Variants in MAEL observed in about 807,000 individuals in gnomAD.
The protein encoded by MAEL is maelstrom spermatogenic transposon silencer.
A neutral mutation model predicts 62.0 loss-of-function variants in MAEL; 46 were observed. The observed-to-expected ratio is 0.74, with a 90% CI of 0.59 to 0.95. The LOEUF (loss-of-function observed/expected upper bound fraction) is 0.95, where lower values mean the gene tolerates loss of function less well. Ranked by LOEUF, MAEL falls within the 40% of genes least tolerant of loss-of-function variation. The pLI, the probability that MAEL is intolerant of heterozygous loss-of-function variation, is 0.00. For synonymous variants in MAEL, 172 were observed against 175.5 expected, an observed-to-expected ratio of 0.98 and a Z score of 0.16; for missense variants, 497 against 526.8, an observed-to-expected ratio of 0.94 and a Z score of 0.55.
At chr1:167,005,836 T>C (rs1664871066) in intron 8 of MAEL, 1 of 152,626 alleles carries the variant, frequency 6.6e-6, no homozygotes, top group Non-Finnish European at 1.5e-5. Context: ...ATACATTTTC[T>C]TTATAATTTT....
chr1:167,011,951 T>C (rs927679766), intron 8 of MAEL, among the ~76,000 whole-genome samples: 1 of 152,202 alleles, frequency 6.6e-6, no homozygotes, highest in African/African-American at 2.4e-5. Context: ...AGACATTATT[T>C]GAGGTCCATG....
intron 5 of MAEL, among the ~76,000 whole-genome samples, chr1:166,998,472 ATTAC>A (rs758251934): frequency 9.9e-5 from 15 of 152,136 alleles, no homozygotes; most frequent in Admixed American, 7.2e-4. Context: ...TTTTTAGCAG[ATTAC>A]TTAATCATAT....
chr1:166,980,845 C>T (rs1360839711), intron 1 of MAEL, among the ~76,000 whole-genome samples: 1 of 152,104 alleles, frequency 6.6e-6, no homozygotes, highest in African/African-American at 2.4e-5. Flanking sequence ...TAACTGGCTG[C>T]CCTACAGTTT....
At chr1:167,001,892 G>A (rs765746025) in intron 5 of MAEL, among the ~76,000 whole-genome samples, 5 of 152,104 alleles carry the variant, frequency 3.3e-5, no homozygotes, top group African/African-American at 7.2e-5. Flanking sequence ...AGTGATTCTC[G>A]TGCCTCAGCC....
At chr1:166,989,538 G>A (rs1213965681) in intron 1 of MAEL, 54 bp downstream of exon 1, 30 of 1,558,924 alleles carry the variant, frequency 1.9e-5, no homozygotes, top group Non-Finnish European at 2.5e-5. Flanking sequence ...CAAGCCGGAG[G>A]GTGAGGCGGG....
intron 7 of MAEL, 24 bp from the exon 8 acceptor site, chr1:167,005,232 T>C (rs1463058847): frequency 6.2e-7 from 1 of 1,611,638 alleles, no homozygotes; most frequent in Non-Finnish European, 8.5e-7. Flanking sequence ...TAATTGTATG[T>C]GTTTTTCCAT....
intron 9 of MAEL, among the ~76,000 whole-genome samples, chr1:167,016,699 T>C (rs779818427): frequency 4.6e-5 from 7 of 152,144 alleles, no homozygotes; most frequent in Non-Finnish European, 8.8e-5. Context: ...TGTTGCAGCA[T>C]TGTTTACAAT....
chr1:167,010,963 G>T (rs1665147572), intron 8 of MAEL, among the ~76,000 whole-genome samples: 1 of 151,842 alleles, frequency 6.6e-6, no homozygotes, highest in South Asian at 2.1e-4. Flanking sequence ...TAGGTTCTTA[G>T]AATTTTATTT....
chr1:167,011,521 C>T (rs1042182169), intron 8 of MAEL, among the ~76,000 whole-genome samples: 29 of 151,916 alleles, frequency 1.9e-4, no homozygotes, highest in African/African-American at 6.8e-4. Flanking sequence ...AGAGTGTTGG[C>T]GATACAGCAT....
At chr1:166,999,600 CAG>C (rs773447786) in intron 5 of MAEL, among the ~76,000 whole-genome samples, 19 of 152,218 alleles carry the variant, frequency 1.2e-4, no homozygotes, top group Non-Finnish European at 2.5e-4. Flanking sequence ...GCAAGTCATT[CAG>C]AGGATCTAGC....
At chr1:167,021,290 G>A in intron 11 of MAEL, 130 bp downstream of exon 11, 1 of 692,138 alleles carries the variant, frequency 1.4e-6, no homozygotes, top group Non-Finnish European at 2.5e-6. Context: ...TGAATTGAGG[G>A]TTTTATTTGG....
intron 1 of MAEL, among the ~76,000 whole-genome samples, chr1:166,979,841 T>C (rs1663705191): frequency 6.6e-6 from 1 of 152,134 alleles, no homozygotes; most frequent in Admixed American, 6.5e-5. Flanking sequence ...TACCAAAGCA[T>C]TCCCTAAAAA....
At chr1:167,018,625 A>T (rs1454229157) in intron 10 of MAEL, among the ~76,000 whole-genome samples, 1 of 152,208 alleles carries the variant, frequency 6.6e-6, no homozygotes, top group Non-Finnish European at 1.5e-5. Flanking sequence ...TAGATAATAA[A>T]TGTTGTTATT....
chr1:166,983,870 C>T (rs1372702472), intron 1 of MAEL, among the ~76,000 whole-genome samples: 2 of 151,748 alleles, frequency 1.3e-5, no homozygotes, highest in African/African-American at 2.4e-5. Context: ...GGCATGGTGG[C>T]GCACACCTGT....
chr1:167,001,650 G>A (rs1277622006), intron 5 of MAEL, among the ~76,000 whole-genome samples: 1 of 152,164 alleles, frequency 6.6e-6, no homozygotes, highest in Non-Finnish European at 1.5e-5. Flanking sequence ...CTTTAGTGTG[G>A]CAGTCTGGAA....
At chr1:167,005,680 C>T (rs1664863986) in intron 8 of MAEL, 1 of 222,922 alleles carries the variant, frequency 4.5e-6, no homozygotes, top group Admixed American at 5.6e-5. Flanking sequence ...TTACATAGAA[C>T]TCTTGTACTT....
At chr1:166,986,945 C>CGTGTGTGTGTGTGTGTGTGTGT (rs58393275), upstream of MAEL, among the ~76,000 whole-genome samples, 3 of 147,030 alleles carry the variant, frequency 2.0e-5, no homozygotes, top group Admixed American at 2.1e-4. Flanking sequence ...AGGAAGGGGA[C>CGTGTGTGTGTGTGTGTGTGTGT]GTGTGTGTGT....
rs558997464 is a variant in MAEL at position 167,003,732 on chromosome 1, T to C, written c.524-448T>C. Among the ~76,000 whole-genome samples, 9 of 152,346 alleles carry C rather than the reference T, an allele frequency of 5.9e-5. No homozygotes were observed. The East Asian group carries it at 1.5e-3, about 26-fold the overall frequency. On this transcript the variant is annotated intron_variant, in intron 5 of 11. Transcript: ENST00000367872. ...GCTTTTTTATTTTCTGTGGGAAAGT[T>C]GGTCTAAATTACTTGGTCTTTTTTT...
intron 1 of MAEL, 63 bp from the exon 2 acceptor site, chr1:166,989,674 C>T: frequency 6.5e-7 from 1 of 1,526,808 alleles, no homozygotes; most frequent in Admixed American, 1.9e-5. Context: ...CATCTGCCTG[C>T]GGGCCCTAGA....
Sources: allele counts gnomAD v4.1 joint callset (sites outside exome capture counted in the v4.1 genomes callset), GRCh38; gene constraint gnomAD v4.1.1; transcripts MANE v1.5; gene names NCBI Gene and HGNC (gene_info 2026-07-23, HGNC 2026-07-21).